The following COMMD1 variants were observed in gnomAD, a reference collection of about 807,000 sequenced individuals.
The protein encoded by COMMD1 is COMM domain-containing protein 1.
A neutral mutation model predicts 17.2 loss-of-function variants in COMMD1; 10 were observed. The observed-to-expected ratio is 0.58, with a 90% CI of 0.36 to 0.99. The LOEUF is 0.99. COMMD1 is among the 50% of genes least tolerant of loss of function. COMMD1 has a pLI of 0.01. For missense variants in COMMD1, 270 were observed against 231.8 expected, an observed-to-expected ratio of 1.17 and a Z score of -1.07; for synonymous variants, 97 against 91.6, an observed-to-expected ratio of 1.06 and a Z score of -0.34.
chr2:61,954,602 A>G (rs1021825228), intron 1 of COMMD1, among the ~76,000 whole-genome samples: 10 of 152,114 alleles, frequency 6.6e-5, no homozygotes, highest in Non-Finnish European at 1.3e-4. Flanking sequence ...CATTTGCAAC[A>G]TTTTATAAAA....
intron 2 of COMMD1, among the ~76,000 whole-genome samples, chr2:62,029,322 A>G (rs1409121354): frequency 2.0e-5 from 3 of 152,160 alleles, no homozygotes; most frequent in African/African-American, 7.2e-5. Context: ...ATCTAATTTC[A>G]CTTTATTAGA....
At chr2:61,955,037 A>C (rs1645129614) in intron 1 of COMMD1, among the ~76,000 whole-genome samples, 1 of 152,342 alleles carries the variant, frequency 6.6e-6, no homozygotes, top group South Asian at 2.1e-4. Context: ...GCTACTTGTC[A>C]TGTGACTTAA....
chr2:61,944,597 G>A (rs1436023289), intron 1 of COMMD1, among the ~76,000 whole-genome samples: 1 of 152,186 alleles, frequency 6.6e-6, no homozygotes, highest in Non-Finnish European at 1.5e-5. Context: ...TAACTTTGTA[G>A]CTCTCATCTG....
chr2:62,049,559 T>G (rs897642464), intron 2 of COMMD1, among the ~76,000 whole-genome samples: 3 of 152,148 alleles, frequency 2.0e-5, no homozygotes, highest in Non-Finnish European at 4.4e-5. Flanking sequence ...AACAAAGAAT[T>G]TTCCAGCTCA....
At chr2:62,068,137 A>T (rs1260898028) in intron 2 of COMMD1, among the ~76,000 whole-genome samples, 1 of 152,216 alleles carries the variant, frequency 6.6e-6, no homozygotes, top group East Asian at 1.9e-4. Context: ...CCAGAGCTAG[A>T]CCTACAGATA....
At chr2:61,977,241 C>CTTTTTT (rs1160361696) in intron 1 of COMMD1, among the ~76,000 whole-genome samples, 9 of 88,788 alleles carry the variant, frequency 1.0e-4, no homozygotes, top group Non-Finnish European at 1.7e-4. Flanking sequence ...ATAAAGTTTG[C>CTTTTTT]TTTTTTTTTT....
At chr2:62,003,710 A>C (rs1198948837) in intron 2 of COMMD1, among the ~76,000 whole-genome samples, 1 of 152,062 alleles carries the variant, frequency 6.6e-6, no homozygotes, top group Non-Finnish European at 1.5e-5. Context: ...TATATCGGCT[A>C]TTTAGTTTTC....
chr2:62,051,394 A>G (rs1337768908), intron 2 of COMMD1, among the ~76,000 whole-genome samples: 2 of 152,214 alleles, frequency 1.3e-5, no homozygotes, highest in African/African-American at 4.8e-5. Flanking sequence ...TTGTAGAGTC[A>G]TTTTATAAAG....
chr2:61,939,175 C>T (rs905428378), intron 1 of COMMD1, among the ~76,000 whole-genome samples: 3 of 151,694 alleles, frequency 2.0e-5, no homozygotes, highest in South Asian at 2.1e-4. Flanking sequence ...TTGGCTTGGC[C>T]GGGCGCGGTG....
chr2:62,037,564 A>G (rs984325924), intron 2 of COMMD1, among the ~76,000 whole-genome samples: 1 of 152,190 alleles, frequency 6.6e-6, no homozygotes, highest in African/African-American at 2.4e-5. Flanking sequence ...TTTGGATTAG[A>G]ACTTTATGGA....
chr2:61,988,757 C>T (rs1264378404), intron 1 of COMMD1, among the ~76,000 whole-genome samples: 2 of 152,124 alleles, frequency 1.3e-5, no homozygotes, highest in South Asian at 2.1e-4. Flanking sequence ...GTCCTTGTGG[C>T]CTAGAGTGCC....
At chr2:61,947,717 T>A (rs1464699304) in intron 1 of COMMD1, among the ~76,000 whole-genome samples, 1 of 108,014 alleles carries the variant, frequency 9.3e-6, no homozygotes, top group Non-Finnish European at 1.7e-5. Context: ...TTTTTTGTAC[T>A]TTTTTTTTTT....
chr2:62,082,920 C>T (rs1267070458), intron 2 of COMMD1, among the ~76,000 whole-genome samples: 1 of 152,188 alleles, frequency 6.6e-6, no homozygotes, highest in African/African-American at 2.4e-5. Flanking sequence ...TTGATATCAG[C>T]TATCCAATTC....
intron 2 of COMMD1, among the ~76,000 whole-genome samples, chr2:62,094,412 G>GC (rs1464111402): frequency 1.3e-5 from 2 of 152,148 alleles, no homozygotes; most frequent in Non-Finnish European, 2.9e-5. Flanking sequence ...CAAGGAGGGT[G>GC]CCCCCCTTGC....
chr2:61,891,793 G>A (rs1434624972), intron 1 of COMMD1, among the ~76,000 whole-genome samples: 1 of 151,190 alleles, frequency 6.6e-6, no homozygotes, highest in Admixed American at 6.6e-5. Context: ...GCTAATGAAG[G>A]GTAAAAATGT....
intron 2 of COMMD1, among the ~76,000 whole-genome samples, chr2:62,028,548 A>T (rs1022510322): frequency 6.6e-6 from 1 of 152,120 alleles, no homozygotes; most frequent in South Asian, 2.1e-4. Flanking sequence ...ACTCCAGCCT[A>T]GGCGACAGAG....
At chr2:61,979,096 C>T (rs549692861) in intron 1 of COMMD1, among the ~76,000 whole-genome samples, 1 of 152,158 alleles carries the variant, frequency 6.6e-6, no homozygotes, top group African/African-American at 2.4e-5. Flanking sequence ...GTGATCCCCA[C>T]TTCCACTGCC....
chr2:61,891,379 G>A (rs76353526), intron 1 of COMMD1, among the ~76,000 whole-genome samples: 25,199 of 152,066 alleles, frequency 0.17, 2,290 homozygotes, highest in Middle Eastern at 0.23. Context: ...GTTAAACATC[G>A]GCTTTCATCA....
intron 2 of COMMD1, among the ~76,000 whole-genome samples, chr2:62,041,031 T>G (rs1172914149): frequency 1.3e-5 from 2 of 152,192 alleles, no homozygotes; most frequent in African/African-American, 4.8e-5. Context: ...CATTGGTCAC[T>G]GTTTTCCTCT....
Sources: gnomAD v4.1 joint callset for allele counts (sites outside exome capture counted in the v4.1 genomes callset) on GRCh38, gnomAD v4.1.1 for gene constraint, MANE v1.5 for transcripts, NCBI Gene and HGNC (gene_info 2026-07-23, HGNC 2026-07-21) for gene names.